The following IL1R2 variants were observed in gnomAD, a reference collection of about 807,000 sequenced individuals.
IL1R2 encodes interleukin 1 receptor type 2.
In IL1R2, 46 loss-of-function variants were observed where a neutral mutation model predicts 39.5. That is an observed-to-expected ratio of 1.16 (90% CI 0.92 to 1.49). The LOEUF (loss-of-function observed/expected upper bound fraction) is 1.49, where lower values mean the gene tolerates loss of function less well. IL1R2 is among the 40% of genes most tolerant of loss of function. The pLI is 0.00. For synonymous variants in IL1R2, 207 were observed against 189.6 expected (o/e 1.09, Z -0.75); for missense variants, 537 against 502.0 (o/e 1.07, Z -0.67).
chr2:101,996,485 G>GTTTTT (rs11382814), intron 1 of IL1R2, among the ~76,000 whole-genome samples: 7,886 of 81,918 alleles, frequency 0.096, 275 homozygotes, highest in East Asian at 0.17. Flanking sequence ...TGTTTTCAGT[G>GTTTTT]TTTTTTTTTT....
chr2:102,015,371 G>A (rs1177609554), intron 3 of IL1R2, among the ~76,000 whole-genome samples: 1 of 152,160 alleles, frequency 6.6e-6, no homozygotes, highest in African/African-American at 2.4e-5. Context: ...TACGACACTT[G>A]TTGCCCCCCA....
chr2:102,024,917 A>C (rs1175213952), intron 7 of IL1R2: 2 of 465,090 alleles, frequency 4.3e-6, no homozygotes, highest in Non-Finnish European at 7.6e-6. Context: ...TAGCTGTTTC[A>C]TTAAACATTG....
At chr2:102,006,759 G>A (rs575925308) in intron 1 of IL1R2, among the ~76,000 whole-genome samples, 1 of 152,390 alleles carries the variant, frequency 6.6e-6, no homozygotes, top group South Asian at 2.1e-4. Context: ...GGAGCCAGAA[G>A]AGTCAGGCAT....
chr2:102,011,957 C>CA (rs1258645928), intron 3 of IL1R2, among the ~76,000 whole-genome samples: 3 of 152,194 alleles, frequency 2.0e-5, no homozygotes, highest in Non-Finnish European at 4.4e-5. Flanking sequence ...CATTCTTTTG[C>CA]ATGTGGATAT....
chr2:102,003,202 C>T (rs575136650), intron 1 of IL1R2, among the ~76,000 whole-genome samples: 3 of 146,758 alleles, frequency 2.0e-5, no homozygotes, highest in Non-Finnish European at 4.5e-5. Flanking sequence ...GTGTCTATGT[C>T]TATGTCTATA....
At chr2:102,004,088 G>A (rs1425556497) in intron 1 of IL1R2, among the ~76,000 whole-genome samples, 1 of 151,964 alleles carries the variant, frequency 6.6e-6, no homozygotes, top group Non-Finnish European at 1.5e-5. Flanking sequence ...GAGGGAGAGT[G>A]AGAATAAAGC....
chr2:102,011,066 A>T (rs978750056), intron 3 of IL1R2, among the ~76,000 whole-genome samples: 1 of 152,210 alleles, frequency 6.6e-6, no homozygotes, highest in African/African-American at 2.4e-5. Context: ...CATGAGTCAG[A>T]GTTTCCTTCC....
chr2:102,023,982 G>A (rs1347887162), intron 6 of IL1R2, among the ~76,000 whole-genome samples: 1 of 150,578 alleles, frequency 6.6e-6, no homozygotes, highest in Non-Finnish European at 1.5e-5. Flanking sequence ...CGGGGAGGCG[G>A]AGCTTGCAGT....
intron 4 of IL1R2, among the ~76,000 whole-genome samples, chr2:102,018,675 C>T (rs1259232073): frequency 6.6e-6 from 1 of 152,136 alleles, no homozygotes; most frequent in African/African-American, 2.4e-5. Context: ...AATATCCCCC[C>T]TTTTTACAGT....
chr2:102,026,806 A>G (rs950814413), intron 8 of IL1R2, among the ~76,000 whole-genome samples: 1 of 152,242 alleles, frequency 6.6e-6, no homozygotes, highest in Non-Finnish European at 1.5e-5. Flanking sequence ...TTGATTTCAT[A>G]TCAATGTTTA....
chr2:102,007,489 T>C (rs1676340111), intron 1 of IL1R2, among the ~76,000 whole-genome samples: 1 of 152,116 alleles, frequency 6.6e-6, no homozygotes, highest in African/African-American at 2.4e-5. Context: ...ATTCAAAAAA[T>C]GAGAGTTAGG....
Position 102,028,468 on chromosome 2 carries a change from G to C in IL1R2, c.*76G>C. On this transcript the variant is annotated 3_prime_UTR_variant, in exon 9 of 9. Transcript: ENST00000332549. ...TGGAAGTGGCTGTGTCTTTTTGAGGGACTCTGTTCTTTGCCTCAGTTGTCT... is the reference window on the plus strand; with the variant it reads ...TGGAAGTGGCTGTGTCTTTTTGAGGCACTCTGTTCTTTGCCTCAGTTGTCT... 7.6e-7 allele frequency: 1 copy of C among 1,312,254 alleles called. No homozygotes were observed. Among genetic ancestry groups the C allele is most frequent in the Non-Finnish European group, 1.0e-6 (1 of 964,072 alleles). The allele number at this position is 1,312,254 out of a possible 1,614,324, so 81.3% of individuals were successfully genotyped here. A position where few individuals can be genotyped will look rare whatever the true frequency, so the allele number is the denominator to read the frequency against.
intron 4 of IL1R2, among the ~76,000 whole-genome samples, chr2:102,018,498 G>T (rs1216891434): frequency 6.6e-6 from 1 of 152,216 alleles, no homozygotes; most frequent in Non-Finnish European, 1.5e-5. Flanking sequence ...CCGGTGCAGT[G>T]CTTGACATAT....
At chr2:101,996,485 GTTT>G (rs11382814) in intron 1 of IL1R2, among the ~76,000 whole-genome samples, 1 of 82,404 alleles carries the variant, frequency 1.2e-5, no homozygotes, top group Non-Finnish European at 2.1e-5. Context: ...TGTTTTCAGT[GTTT>G]TTTTTTTTTT....
intron 1 of IL1R2, among the ~76,000 whole-genome samples, chr2:101,996,350 C>A (rs1675585464): frequency 6.6e-6 from 1 of 152,120 alleles, no homozygotes; most frequent in Non-Finnish European, 1.5e-5. Context: ...GAGGTTTCCT[C>A]TGGGGCTTTT....
chr2:102,021,338 C>T (rs1309301531), intron 5 of IL1R2, among the ~76,000 whole-genome samples: 14 of 124,210 alleles, frequency 1.1e-4, no homozygotes, highest in Non-Finnish European at 1.6e-5. Context: ...TTTTTTGAGG[C>T]GGAGTCTCGC....
At chr2:102,011,806 G>T (rs1676655097) in intron 3 of IL1R2, among the ~76,000 whole-genome samples, 1 of 152,146 alleles carries the variant, frequency 6.6e-6, no homozygotes, top group South Asian at 2.1e-4. Flanking sequence ...TGCTTTTAGT[G>T]TTAAGAAATC....
At chr2:102,015,261 G>A (rs1411965865) in intron 3 of IL1R2, among the ~76,000 whole-genome samples, 1 of 152,178 alleles carries the variant, frequency 6.6e-6, no homozygotes, top group African/African-American at 2.4e-5. Context: ...TTTTGAAGAG[G>A]ACTTGGGGAT....
chr2:102,010,337 G>A (rs1363742292), intron 3 of IL1R2, among the ~76,000 whole-genome samples: 1 of 152,146 alleles, frequency 6.6e-6, no homozygotes, highest in Non-Finnish European at 1.5e-5. Context: ...ACTTTGGGCG[G>A]CCGAAGAGGG....
Sources: allele counts gnomAD v4.1 joint callset (sites outside exome capture counted in the v4.1 genomes callset), GRCh38; gene constraint gnomAD v4.1.1; transcripts MANE v1.5; gene names NCBI Gene and HGNC (gene_info 2026-07-23, HGNC 2026-07-21).